UGT1A8: variants seen among roughly 807,000 people sequenced by gnomAD.
The protein encoded by UGT1A8 is UDP-glucuronosyltransferase 1A8.
A neutral mutation model predicts 45.3 loss-of-function variants in UGT1A8; 39 were observed. That is an observed-to-expected ratio of 0.86 (90% confidence interval 0.67 to 1.12). The LOEUF (loss-of-function observed/expected upper bound fraction) is 1.12, where lower values mean the gene tolerates loss of function less well. Ranked by LOEUF, UGT1A8 falls within the 50% of genes most tolerant of loss-of-function variation. The pLI is 0.00. For synonymous variants in UGT1A8, 275 were observed against 249.2 expected (o/e 1.10, Z -0.97); for missense variants, 719 against 664.9 (o/e 1.08, Z -0.90).
chr2:233,754,116 G>C (rs1358690649), intron 1 of UGT1A8, among the ~76,000 whole-genome samples: 1 of 152,172 alleles, frequency 6.6e-6, no homozygotes, highest in Non-Finnish European at 1.5e-5. Flanking sequence ...TACATCACGA[G>C]CATTTATGTG....
In UGT1A8 at chr2:233,767,853, T is replaced by C; in HGVS notation, c.992T>C (p.Leu331Pro). 1.2e-6 allele frequency: 2 copies of C among 1,614,210 alleles called. No individual in the cohort carries two copies. The highest frequency in any genetic ancestry group is 1.1e-5 in the South Asian group (1 of 91,084). Residue 331 changes from leucine (L) to proline (P), a missense_variant, in exon 3 of 5, where the codon CTG becomes CCG. By Grantham distance (98) the Leu-to-Pro change is moderately conservative. Transcript: ENST00000373450. The part of the protein sequence containing the change: ...DALGKIPQTV[L>P]WRYTGTRPSN... ...TGCTCTTTTTGCCCCTCCCAGGTCC[T>C]GTGGCGGTACACTGGAACCCGACCA...
intron 1 of UGT1A8, among the ~76,000 whole-genome samples, chr2:233,655,346 C>T (rs958844641): frequency 1.3e-5 from 2 of 152,150 alleles, no homozygotes; most frequent in African/African-American, 4.8e-5. Flanking sequence ...CAGTTTAACA[C>T]TGGAAGTCTC....
rs1178293466 is a variant in UGT1A8 at position 233,747,267 on chromosome 2, C to A, written c.856-19767C>A. On this transcript the variant is annotated intron_variant, in intron 1 of 4. Coordinates refer to ENST00000373450, the MANE Select transcript of UGT1A8 (RefSeq NM_019076.5). Reference sequence around the variant, plus strand: ...TGTGGCTGGCCACAGGAGTGCTACTCCTTCTCAGTGCCCAGCCCTGGGCTG... The same window carrying A: ...TGTGGCTGGCCACAGGAGTGCTACTACTTCTCAGTGCCCAGCCCTGGGCTG... 4 of 1,599,414 alleles carry A rather than the reference C, an allele frequency of 2.5e-6. No individual in the cohort carries two copies. In the South Asian group the frequency reaches 3.4e-5, roughly 13 times the overall value.
chr2:233,683,334 T>C lies in UGT1A8; in HGVS notation c.855+64772T>C, dbSNP rs2074628629. On this transcript the variant is annotated intron_variant, in intron 1 of 4. Coordinates refer to ENST00000373450, the MANE Select transcript of UGT1A8 (RefSeq NM_019076.5). ...CAGATTTGACATGTTCTTTTAATAATTGCATGGTAGTCTTTACTTTGGATG... is the reference window on the plus strand; with the variant it reads ...CAGATTTGACATGTTCTTTTAATAACTGCATGGTAGTCTTTACTTTGGATG... Among the ~76,000 whole-genome samples the C allele has an allele frequency of 2.0e-5, 3 of 152,196 alleles. No homozygotes were observed. The South Asian group carries it at 6.2e-4, about 31-fold the overall frequency.
intron 1 of UGT1A8, chr2:233,637,151 A>T: frequency 2.5e-6 from 4 of 1,614,012 alleles, no homozygotes; most frequent in Non-Finnish European, 3.4e-6. Context: ...GTATGGAACC[A>T]CATCGTGCAC....
intron 1 of UGT1A8, among the ~76,000 whole-genome samples, chr2:233,620,873 T>C (rs1353431853): frequency 2.6e-5 from 4 of 152,196 alleles, no homozygotes; most frequent in African/African-American, 9.6e-5. Context: ...TGCAGTTGGT[T>C]ACATCTTGCT....
intron 1 of UGT1A8, among the ~76,000 whole-genome samples, chr2:233,765,584 C>T (rs1030389138): frequency 7.2e-5 from 11 of 151,846 alleles, no homozygotes; most frequent in African/African-American, 4.8e-5. Flanking sequence ...GGGAGGGGAA[C>T]AACACACACC....
intron 1 of UGT1A8, chr2:233,682,337 G>A (rs753738317): frequency 6.8e-6 from 11 of 1,613,990 alleles, no homozygotes; most frequent in Middle Eastern, 1.6e-4. Flanking sequence ...CCGAAAATTA[G>A]TAGAATACTT....
chr2:233,691,775 C>A, intron 1 of UGT1A8: 1 of 320,452 alleles, frequency 3.1e-6, no homozygotes, highest in Non-Finnish European at 4.5e-6. Context: ...GGATTCTCAC[C>A]ACGTACTGGC....
chr2:233,638,582 T>C (rs906574155), intron 1 of UGT1A8, among the ~76,000 whole-genome samples: 1 of 152,200 alleles, frequency 6.6e-6, no homozygotes, highest in African/African-American at 2.4e-5. Context: ...GAAAAATCCT[T>C]GAAAAATACC....
At chr2:233,725,418 C>T (rs1426524230) in intron 1 of UGT1A8, among the ~76,000 whole-genome samples, 1 of 151,350 alleles carries the variant, frequency 6.6e-6, no homozygotes, top group Non-Finnish European at 1.5e-5. Flanking sequence ...CAGAATTGTC[C>T]AATAGAAATA....
intron 1 of UGT1A8, among the ~76,000 whole-genome samples, chr2:233,764,942 G>C (rs12479045): frequency 0.069 from 10,555 of 152,174 alleles, 509 homozygotes; most frequent in East Asian, 0.2. Flanking sequence ...TGAGAGTGGC[G>C]GGGAGAGAGG....
At chr2:233,713,499 G>T (rs1453599075) in intron 1 of UGT1A8, 4 of 1,614,000 alleles carry the variant, frequency 2.5e-6, no homozygotes, top group Middle Eastern at 1.7e-4. Flanking sequence ...GATTCCTGCT[G>T]TGTTTTTCTT....
intron 1 of UGT1A8, chr2:233,648,875 T>C: frequency 7.9e-7 from 1 of 1,268,396 alleles, no homozygotes. Context: ...TCTGAAATTC[T>C]CCAAACACCT....
intron 1 of UGT1A8, among the ~76,000 whole-genome samples, chr2:233,723,239 T>C (rs1575545383): frequency 9.2e-6 from 1 of 108,622 alleles, no homozygotes; most frequent in African/African-American, 4.6e-5. Flanking sequence ...TGAGTTGGAG[T>C]CCTGCTGTCA....
At chr2:233,729,870 T>A in intron 1 of UGT1A8, 1 of 1,613,848 alleles carries the variant, frequency 6.2e-7, no homozygotes, top group South Asian at 1.1e-5. Context: ...TGGTGGATAT[T>A]CTCAGTCATG....
intron 1 of UGT1A8, among the ~76,000 whole-genome samples, chr2:233,688,837 T>C (rs11680450): frequency 0.39 from 59,706 of 151,878 alleles, 11,922 homozygotes; most frequent in South Asian, 0.45. Context: ...AAGAAAAGGA[T>C]GTAAAGAGAG....
At chr2:233,743,452 GA>G (rs1692298839) in intron 1 of UGT1A8, 1 of 1,365,542 alleles carries the variant, frequency 7.3e-7, no homozygotes, top group Non-Finnish European at 9.8e-7. Flanking sequence ...ATCAAAAGAA[GA>G]AAAAACACCC....
At chr2:233,762,352 C>T (rs1368513264) in intron 1 of UGT1A8, among the ~76,000 whole-genome samples, 3 of 152,200 alleles carry the variant, frequency 2.0e-5, no homozygotes, top group South Asian at 2.1e-4. Flanking sequence ...GTTCTTTGTA[C>T]TCCAGCTATT....
Sources: gnomAD v4.1 joint callset for allele counts (sites outside exome capture counted in the v4.1 genomes callset) on GRCh38, gnomAD v4.1.1 for gene constraint, MANE v1.5 for transcripts, NCBI Gene and HGNC (gene_info 2026-07-23, HGNC 2026-07-21) for gene names.